MAP3K7CL: variants seen among roughly 807,000 people sequenced by gnomAD.
MAP3K7CL encodes the protein MAP3K7 C-terminal like.
MAP3K7CL carries 16 observed loss-of-function variants against 18.6 expected under a neutral mutation model. The ratio of observed to expected loss-of-function variants is 0.86; its 90% CI spans 0.58 to 1.31. MAP3K7CL has a LOEUF of 1.31. MAP3K7CL is among the 50% of genes most tolerant of loss of function. The pLI, the probability that MAP3K7CL is intolerant of heterozygous loss-of-function variation, is 0.00. For missense variants in MAP3K7CL, 163 were observed against 174.4 expected (o/e 0.93, Z 0.37); for synonymous variants, 65 against 66.8 (o/e 0.97, Z 0.13).
In MAP3K7CL at chr21:29,130,701, C is replaced by CGGAAG. The variant is rs1307626978; in HGVS notation, c.-248_-244dup. On this transcript the variant is annotated 5_prime_UTR_variant, in exon 1 of 5. Coordinates refer to ENST00000399928, the MANE Select transcript of MAP3K7CL (RefSeq NM_001286620.2). ...AGGAGAGAGGGGTTGTGAAGGGAAG[C>CGGAAG]GGAAGGGAAGGGAAGGGAGGTCCCG... The CGGAAG allele has an allele frequency of 1.8e-5, 18 of 985,310 alleles. No homozygotes were observed. In the Admixed American group the frequency reaches 5.5e-4, roughly 30 times the overall value. The allele number at this position is 985,310 out of a possible 1,614,324, so 61.0% of individuals were successfully genotyped here.
intron 4 of MAP3K7CL, among the ~76,000 whole-genome samples, chr21:29,125,553 T>C (rs1054311752): frequency 1.3e-5 from 2 of 152,246 alleles, no homozygotes; most frequent in African/African-American, 4.8e-5. Context: ...AATCAAAGGC[T>C]GTGACAGTAT....
intron 1 of MAP3K7CL, among the ~76,000 whole-genome samples, chr21:29,089,124 C>T (rs193071142): frequency 7.2e-4 from 96 of 133,156 alleles, no homozygotes; most frequent in African/African-American, 2.3e-3. Context: ...GAGCCGAGAT[C>T]GCACCACTAT....
chr21:29,112,094 C>G (rs969701758), intron 4 of MAP3K7CL, among the ~76,000 whole-genome samples: 12 of 152,190 alleles, frequency 7.9e-5, no homozygotes, highest in African/African-American at 2.6e-4. Context: ...GTCAGGAGAT[C>G]AAGACCATCC....
chr21:29,086,033 G>A, intron 1 of MAP3K7CL: 1 of 1,159,716 alleles, frequency 8.6e-7, no homozygotes, highest in South Asian at 1.3e-5. Context: ...GACCTTGGAA[G>A]TCTCAGCTAA....
At chr21:29,148,649 C>T (rs2087200022) in intron 2 of MAP3K7CL, among the ~76,000 whole-genome samples, 1 of 152,104 alleles carries the variant, frequency 6.6e-6, no homozygotes, top group Admixed American at 6.6e-5. Flanking sequence ...AAGAAACGCC[C>T]CATTTGGGTT....
intron 4 of MAP3K7CL, among the ~76,000 whole-genome samples, chr21:29,093,077 T>A (rs1377044125): frequency 6.6e-6 from 1 of 152,190 alleles, no homozygotes; most frequent in Non-Finnish European, 1.5e-5. Flanking sequence ...CTAAGTTTTG[T>A]ATTTTTAGTA....
At chr21:29,086,922 A>G (rs2085935013) in intron 1 of MAP3K7CL, among the ~76,000 whole-genome samples, 1 of 152,120 alleles carries the variant, frequency 6.6e-6, no homozygotes, top group Non-Finnish European at 1.5e-5. Flanking sequence ...CTCAGTCTTC[A>G]CGACCATCCT....
intron 4 of MAP3K7CL, among the ~76,000 whole-genome samples, chr21:29,121,367 G>A (rs911867886): frequency 1.3e-5 from 2 of 152,060 alleles, no homozygotes; most frequent in Admixed American, 6.6e-5. Context: ...GTTCCCTAAC[G>A]GTATCAGTTG....
chr21:29,093,469 T>TTTTG (rs777312101), intron 4 of MAP3K7CL, among the ~76,000 whole-genome samples: 11 of 151,842 alleles, frequency 7.2e-5, no homozygotes, highest in African/African-American at 1.5e-4. Flanking sequence ...ACCTAGGTTT[T>TTTTG]TTTGTTTGTT....
At chr21:29,105,949 T>C (rs2086313954) in intron 4 of MAP3K7CL, among the ~76,000 whole-genome samples, 1 of 152,182 alleles carries the variant, frequency 6.6e-6, no homozygotes, top group African/African-American at 2.4e-5. Context: ...CTCTACAAAA[T>C]TAATCCCTGG....
At chr21:29,084,090 T>C (rs891827639), upstream of MAP3K7CL, among the ~76,000 whole-genome samples, 1 of 148,922 alleles carries the variant, frequency 6.7e-6, no homozygotes, top group African/African-American at 2.4e-5. Flanking sequence ...TATTTTTTTT[T>C]CCAAAATTGC....
chr21:29,094,534 T>A (rs1377673283), intron 4 of MAP3K7CL, among the ~76,000 whole-genome samples: 1 of 152,248 alleles, frequency 6.6e-6, no homozygotes. Flanking sequence ...CATGGGTCGC[T>A]TTGATAGACT....
chr21:29,126,368 C>G (rs1823332972), upstream of MAP3K7CL, among the ~76,000 whole-genome samples: 1 of 152,218 alleles, frequency 6.6e-6, no homozygotes, highest in Non-Finnish European at 1.5e-5. Context: ...CTATGGCTGC[C>G]TTTATGCTAC....
chr21:29,119,596 C>T (rs2086558932), intron 4 of MAP3K7CL, among the ~76,000 whole-genome samples: 2 of 152,038 alleles, frequency 1.3e-5, no homozygotes, highest in South Asian at 4.2e-4. Flanking sequence ...TCCTGGTTTA[C>T]ACCAGCAGCT....
chr21:29,140,738 G>A (rs1174588252), intron 2 of MAP3K7CL, among the ~76,000 whole-genome samples: 2 of 152,196 alleles, frequency 1.3e-5, no homozygotes, highest in Non-Finnish European at 2.9e-5. Flanking sequence ...ATTTGGTGGT[G>A]TGCTGAAGGA....
At chr21:29,169,715 C>T (rs2087776741) in intron 4 of MAP3K7CL, among the ~76,000 whole-genome samples, 1 of 152,184 alleles carries the variant, frequency 6.6e-6, no homozygotes, top group African/African-American at 2.4e-5. Flanking sequence ...ATCCATGTCT[C>T]AAACTCCTGC....
chr21:29,166,902 A>G (rs1017799915), intron 4 of MAP3K7CL, among the ~76,000 whole-genome samples: 2 of 152,196 alleles, frequency 1.3e-5, no homozygotes, highest in African/African-American at 4.8e-5. Flanking sequence ...TATGTTTTCA[A>G]TTCTCTTGAG....
chr21:29,096,719 G>A (rs1156848998), intron 4 of MAP3K7CL, among the ~76,000 whole-genome samples: 3 of 152,208 alleles, frequency 2.0e-5, no homozygotes, highest in South Asian at 2.1e-4. Context: ...ATGTATAAAA[G>A]AGAAATTGTT....
chr21:29,168,457 G>T (rs2087745730), intron 4 of MAP3K7CL, among the ~76,000 whole-genome samples: 1 of 152,298 alleles, frequency 6.6e-6, no homozygotes, highest in South Asian at 2.1e-4. Flanking sequence ...TTTGTTTATG[G>T]AGACAGAGAT....
Sources: allele counts gnomAD v4.1 joint callset (sites outside exome capture counted in the v4.1 genomes callset), GRCh38; gene constraint gnomAD v4.1.1; transcripts MANE v1.5; gene names NCBI Gene and HGNC (gene_info 2026-07-23, HGNC 2026-07-21).